Variants in FLRT2 observed in about 807,000 individuals in gnomAD.
The protein encoded by FLRT2 is fibronectin leucine rich transmembrane protein 2.
A neutral mutation model predicts 40.0 loss-of-function variants in FLRT2; 15 were observed. That is an observed-to-expected ratio of 0.38 (90% confidence interval 0.25 to 0.58). The LOEUF (loss-of-function observed/expected upper bound fraction) is 0.58. FLRT2 is among the 20% of genes least tolerant of loss of function. The pLI is 0.71. For synonymous variants in FLRT2, 380 were observed against 336.8 expected (o/e 1.13, Z -1.41); for missense variants, 726 against 840.0 (o/e 0.86, Z 1.68).
At chr14:85,572,096 A>T (rs1890916893) in intron 1 of FLRT2, among the ~76,000 whole-genome samples, 1 of 152,208 alleles carries the variant, frequency 6.6e-6, no homozygotes, top group Non-Finnish European at 1.5e-5. Flanking sequence ...ACTGCTACAA[A>T]CAACACAAAT....
In FLRT2 at chr14:85,636,390, G is replaced by GGA. The variant is rs1242852276; in HGVS notation, c.*12893_*12894insGA. ...AAAATCAAAGGTGAAGTCACCTGCA[G>GGA]AAAAAAAAAAAAAAAAAACAAAAAA... On this transcript the variant is annotated 3_prime_UTR_variant, in exon 2 of 2. Coordinates refer to ENST00000330753, the MANE Select transcript of FLRT2 (RefSeq NM_013231.6). 1.3e-5 allele frequency: 1 copy of GGA among 75,318 alleles called. No homozygotes were observed. The highest frequency in any genetic ancestry group is 2.4e-5 in the Non-Finnish European group (1 of 41,150). 4.7% of individuals were successfully genotyped at this position (75,318 alleles called of 1,614,324 possible). A position where few individuals can be genotyped will look rare whatever the true frequency, so the allele number is the denominator to read the frequency against.
chr14:85,595,189 T>A (rs1294582839), intron 1 of FLRT2, among the ~76,000 whole-genome samples: 4 of 152,068 alleles, frequency 2.6e-5, no homozygotes, highest in Non-Finnish European at 5.9e-5. Context: ...TGGACCTGCA[T>A]GGTTCAAACC....
chr14:85,576,900 C>A (rs114857682), intron 1 of FLRT2, among the ~76,000 whole-genome samples: 2,566 of 152,286 alleles, frequency 0.017, 31 homozygotes, highest in Middle Eastern at 0.031. Context: ...ATGAAATTCA[C>A]AAAATGTGCA....
chr14:85,590,639 G>A (rs575151231), intron 1 of FLRT2, among the ~76,000 whole-genome samples: 43 of 151,252 alleles, frequency 2.8e-4, no homozygotes, highest in Admixed American at 1.4e-3. Flanking sequence ...TCGCTCTTTC[G>A]CCCAGGCTGG....
At chr14:85,592,197 T>C (rs774280324) in intron 1 of FLRT2, among the ~76,000 whole-genome samples, 23 of 152,072 alleles carry the variant, frequency 1.5e-4, no homozygotes, top group Non-Finnish European at 2.9e-4. Context: ...TTTCTTGTGA[T>C]GGTAGAAAAG....
chr14:85,629,505 G>T lies in FLRT2; in HGVS notation c.*6008G>T, dbSNP rs1430385905. On this transcript the variant is annotated 3_prime_UTR_variant, in exon 2 of 2. Transcript: ENST00000330753. ...TTATATAAGACCTTGTGCAAACTGT[G>T]TGATAACGTATGTTTGCATTCTGTC... 1 of 152,218 alleles carries T rather than the reference G, an allele frequency of 6.6e-6. No individual in the cohort carries two copies. The highest frequency in any genetic ancestry group is 1.5e-5 in the Non-Finnish European group (1 of 68,036). 9.4% of individuals were successfully genotyped at this position (152,218 alleles called of 1,614,324 possible).
At chr14:85,583,961 TA>T (rs35631948) in intron 1 of FLRT2, among the ~76,000 whole-genome samples, 477 of 141,694 alleles carry the variant, frequency 3.4e-3, no homozygotes, top group Admixed American at 4.6e-3. Flanking sequence ...ACTGTTTCTT[TA>T]AAAAAAAAAA....
chr14:85,579,207 T>G (rs1282752742), intron 1 of FLRT2, among the ~76,000 whole-genome samples: 1 of 151,944 alleles, frequency 6.6e-6, no homozygotes, highest in African/African-American at 2.4e-5. Context: ...GAGGCTGGAG[T>G]GGGGGAACCA....
rs1894205100 is a variant in FLRT2, at chr14:85,643,335, CTTTCTTT to C, written c.*19839_*19845del. The C allele has an allele frequency of 2.6e-5, 3 of 114,208 alleles. No homozygotes were observed. The highest frequency in any genetic ancestry group is 1.1e-4 in the African/African-American group (3 of 27,892). 7.1% of individuals were successfully genotyped at this position (114,208 alleles called of 1,614,324 possible). A position where few individuals can be genotyped will look rare whatever the true frequency, so the allele number is the denominator to read the frequency against. On this transcript the variant is annotated 3_prime_UTR_variant, in exon 2 of 2. Coordinates refer to ENST00000330753, the MANE Select transcript of FLRT2 (RefSeq NM_013231.6). ...TCTTTCTTTCTTTCTTTCTTTCTTTCTTTCTTTCTTTCTTTCTTTCTTCCTTCCTTCC... is the reference window on the plus strand; with the variant it reads ...TCTTTCTTTCTTTCTTTCTTTCTTTCCTTTCTTTCTTTCTTCCTTCCTTCC...
At chr14:85,584,624 C>T (rs1326831793) in intron 1 of FLRT2, among the ~76,000 whole-genome samples, 3 of 152,206 alleles carry the variant, frequency 2.0e-5, no homozygotes, top group African/African-American at 7.2e-5. Flanking sequence ...CCTCTGCAAA[C>T]AGGGCAGGTC....
chr14:85,606,202 T>G (rs1892606464), intron 1 of FLRT2, among the ~76,000 whole-genome samples: 1 of 152,186 alleles, frequency 6.6e-6, no homozygotes, highest in South Asian at 2.1e-4. Flanking sequence ...TGGTTAAGAG[T>G]ACTGTGTGGA....
Position 85,584,807 on chromosome 14 carries a change from C to T in FLRT2, c.-376-36332C>T, listed in dbSNP as rs1484664204. 2.6e-5 allele frequency among the ~76,000 whole-genome samples: 4 copies of T among 152,082 alleles called. No homozygotes were observed. In the East Asian group the frequency reaches 5.8e-4, roughly 22 times the overall value. On this transcript the variant is annotated intron_variant, in intron 1 of 1. Coordinates refer to ENST00000330753, the MANE Select transcript of FLRT2 (RefSeq NM_013231.6). ...CGAGAATACTGGTGGGTTCAGGCAA[C>T]GCTGGCCCTACCTTAGCCAAGCCTT... is the stretch of plus-strand genomic sequence containing the variant.
chr14:85,630,395 G>T lies in FLRT2; in HGVS notation c.*6898G>T, dbSNP rs1893837965. 6.7e-6 allele frequency: 1 copy of T among 149,580 alleles called. No homozygotes were observed. The highest frequency in any genetic ancestry group is 2.5e-5 in the African/African-American group (1 of 40,616). The allele number at this position is 149,580 out of a possible 1,614,324, so 9.3% of individuals were successfully genotyped here. ...ATGACATAATAAACCTCAGTATTGG[G>T]TCACTCTTTTCCTAATATAAAAAAC... On this transcript the variant is annotated 3_prime_UTR_variant, in exon 2 of 2. Coordinates refer to ENST00000330753, the MANE Select transcript of FLRT2 (RefSeq NM_013231.6).
rs775842767 is a variant in FLRT2, at chr14:85,640,398, A to G, written c.*16901A>G. The G allele has an allele frequency of 3.3e-5, 5 of 152,208 alleles. No homozygotes were observed. Among genetic ancestry groups the G allele is most frequent in the Admixed American group, 2.0e-4 (3 of 15,284 alleles). The allele number at this position is 152,208 out of a possible 1,614,324, so 9.4% of individuals were successfully genotyped here. Reference sequence around the variant, plus strand: ...TAGTTTTTAATAAAGATCGTGACCAAGCTTTCCTTGGGAAGTAAACTTTGG... The same window carrying G: ...TAGTTTTTAATAAAGATCGTGACCAGGCTTTCCTTGGGAAGTAAACTTTGG... On this transcript the variant is annotated 3_prime_UTR_variant, in exon 2 of 2. Coordinates refer to ENST00000330753, the MANE Select transcript of FLRT2 (RefSeq NM_013231.6).
At position 85,633,863 on chromosome 14, in the gene FLRT2, CAT is replaced by C. The variant is rs896462949; in HGVS notation, c.*10368_*10369del. On this transcript the variant is annotated 3_prime_UTR_variant, in exon 2 of 2. Coordinates refer to ENST00000330753, the MANE Select transcript of FLRT2 (RefSeq NM_013231.6). ...CAAAAATCTATAATTTCTAGTAAGA[CAT>C]AGTTTTATTTGATGCTAGTACACCA... 1 of 151,602 alleles carries C rather than the reference CAT, an allele frequency of 6.6e-6. No individual in the cohort carries two copies. The highest frequency in any genetic ancestry group is 2.4e-5 in the African/African-American group (1 of 41,278). The allele number at this position is 151,602 out of a possible 1,614,324, so 9.4% of individuals were successfully genotyped here.
At chr14:85,550,180 AAGG>A (rs1889526623) in intron 1 of FLRT2, among the ~76,000 whole-genome samples, 1 of 152,234 alleles carries the variant, frequency 6.6e-6, no homozygotes, top group Admixed American at 6.5e-5. Context: ...ACAGGCAAAA[AAGG>A]AGATTTTTTT....
chr14:85,542,653 G>A (rs552846742), intron 1 of FLRT2, among the ~76,000 whole-genome samples: 1 of 152,266 alleles, frequency 6.6e-6, no homozygotes, highest in African/African-American at 2.4e-5. Context: ...ATGTAAGAGA[G>A]ATTAAAATTC....
intron 1 of FLRT2, among the ~76,000 whole-genome samples, chr14:85,547,110 C>T (rs1251772201): frequency 2.6e-5 from 4 of 152,020 alleles, no homozygotes; most frequent in African/African-American, 9.7e-5. Context: ...CATTCTTGTG[C>T]TGACAATATT....
intron 1 of FLRT2, among the ~76,000 whole-genome samples, chr14:85,577,703 C>T (rs1891181366): frequency 6.6e-6 from 1 of 152,110 alleles, no homozygotes; most frequent in African/African-American, 2.4e-5. Context: ...CCTCCTGCCT[C>T]AGTCTCTCGA....
Sources: allele counts gnomAD v4.1 joint callset (sites outside exome capture counted in the v4.1 genomes callset), GRCh38; gene constraint gnomAD v4.1.1; transcripts MANE v1.5; gene names NCBI Gene and HGNC (gene_info 2026-07-23, HGNC 2026-07-21).